Variants in VTI1B observed in about 807,000 individuals in gnomAD.
VTI1B encodes vesicle transport through interaction with t-SNAREs 1B.
VTI1B carries 18 observed loss-of-function variants against 28.6 expected under a neutral mutation model. That is an observed-to-expected ratio of 0.63 (90% CI 0.43 to 0.93). VTI1B has a LOEUF of 0.93. VTI1B is among the 40% of genes least tolerant of loss of function. The pLI, the probability that VTI1B is intolerant of heterozygous loss-of-function variation, is 0.00. For synonymous variants in VTI1B, 100 were observed against 107.9 expected (o/e 0.93, Z 0.46); for missense variants, 283 against 297.0 (o/e 0.95, Z 0.35).
At chr14:67,670,325 T>C (rs2037450870) in intron 1 of VTI1B, among the ~76,000 whole-genome samples, 1 of 152,166 alleles carries the variant, frequency 6.6e-6, no homozygotes, top group Non-Finnish European at 1.5e-5. Context: ...CTGTTTCACC[T>C]GCCCCTCTAC....
At chr14:67,656,648 A>G (rs1210883898) in intron 3 of VTI1B, 59 bp from the exon 4 acceptor site, 7 of 1,526,990 alleles carry the variant, frequency 4.6e-6, no homozygotes, top group Non-Finnish European at 6.2e-6. Context: ...CATTGCCAGC[A>G]TATTCCTCAT....
At chr14:67,672,777 C>T (rs1033796778) in intron 1 of VTI1B, among the ~76,000 whole-genome samples, 2 of 152,100 alleles carry the variant, frequency 1.3e-5, no homozygotes, top group Admixed American at 1.3e-4. Context: ...AATCAGATCC[C>T]ACAATGCTTC....
At chr14:67,673,093 T>G (rs1453380487) in intron 1 of VTI1B, among the ~76,000 whole-genome samples, 1 of 152,182 alleles carries the variant, frequency 6.6e-6, no homozygotes, top group Non-Finnish European at 1.5e-5. Flanking sequence ...ACCGCCCTAT[T>G]TAAAACTGAA....
At chr14:67,652,149 C>A (rs538045752) in intron 5 of VTI1B, among the ~76,000 whole-genome samples, 12 of 152,326 alleles carry the variant, frequency 7.9e-5, no homozygotes, top group Middle Eastern at 6.8e-3. Flanking sequence ...TACCCTCTTA[C>A]CCCCAACTTC....
intron 4 of VTI1B, 120 bp downstream of exon 4, chr14:67,656,296 T>TA (rs1297810313): frequency 7.1e-6 from 7 of 991,672 alleles, no homozygotes; most frequent in Non-Finnish European, 8.2e-6. Context: ...CATAAGAACT[T>TA]AAAAAAGACT....
At chr14:67,667,645 A>G (rs1197834539) in intron 1 of VTI1B, among the ~76,000 whole-genome samples, 1 of 152,200 alleles carries the variant, frequency 6.6e-6, no homozygotes, top group East Asian at 1.9e-4. Context: ...AATTCAGTAG[A>G]AAATATGAGG....
At chr14:67,659,683 A>G (rs1276187254) in intron 3 of VTI1B, 48 bp downstream of exon 3, 1 of 1,538,686 alleles carries the variant, frequency 6.5e-7, no homozygotes, top group African/African-American at 1.4e-5. Flanking sequence ...TTTTTGTACC[A>G]CAGGCCCTTA....
chr14:67,659,704 AAAAC>A lies in VTI1B; in HGVS notation c.366+23_366+26del, dbSNP rs778962410. ...TACCACAGGCCCTTAAAGGAAAAAAAAAACAAACAAAACAGCTAAAACTTACCAT... is the reference window on the plus strand; with the variant it reads ...TACCACAGGCCCTTAAAGGAAAAAAAAAACAAAACAGCTAAAACTTACCAT... On this transcript the variant is annotated intron_variant, in intron 3 of 5. Transcript: ENST00000554659. 9.6e-6 allele frequency: 15 copies of A among 1,568,912 alleles called. No individual in the cohort carries two copies. In the South Asian group the frequency reaches 1.7e-4, roughly 17 times the overall value.
At chr14:67,670,395 T>A (rs1291151403) in intron 1 of VTI1B, among the ~76,000 whole-genome samples, 1 of 152,162 alleles carries the variant, frequency 6.6e-6, no homozygotes. Flanking sequence ...GTTTTACTCC[T>A]GTGTTGCCTC....
rs771793171 is a variant in VTI1B at position 67,653,434 on chromosome 14, T to C, written c.602+3A>G. 2 of 1,613,620 alleles carry C rather than the reference T, an allele frequency of 1.2e-6. No individual in the cohort carries two copies. Among genetic ancestry groups the C allele is most frequent in the African/African-American group, 1.3e-5 (1 of 75,042 alleles). ...GAAATTTCATGACTTTAATAAAACT[T>C]ACTTTCTGGACATTGAACGGAGAAT... is the stretch of plus-strand genomic sequence containing the variant. On this transcript the variant is annotated splice_donor_region_variant and intron_variant, in intron 5 of 5. Coordinates refer to ENST00000554659, the MANE Select transcript of VTI1B (RefSeq NM_006370.3).
chr14:67,660,341 T>G (rs2037320155), intron 2 of VTI1B: 1 of 156,020 alleles, frequency 6.4e-6, no homozygotes, highest in African/African-American at 2.4e-5. Context: ...TCCTGGCACT[T>G]TGGGAAGCCG....
At chr14:67,654,751 C>T (rs1001392546) in intron 4 of VTI1B, among the ~76,000 whole-genome samples, 3 of 151,994 alleles carry the variant, frequency 2.0e-5, no homozygotes, top group Non-Finnish European at 2.9e-5. Context: ...AAATTTTGCC[C>T]GGGCGCAGTG....
Position 67,674,404 on chromosome 14 carries a change from G to C in VTI1B, c.86C>G (p.Pro29Arg). 6.2e-7 allele frequency: 1 copy of C among 1,604,612 alleles called. No homozygotes were observed. The highest frequency in any genetic ancestry group is 8.5e-7 in the Non-Finnish European group (1 of 1,176,864). ...RGLHEDLQGV[P>R]ERLLGTAGTE... is the part of the protein sequence containing the mutation. ...CCCCGCCGTCCCCAGCAGCCGCTCG[G>C]GCACCCCTTGTAGGTCTTCATGGAG... The change falls in exon 1 of 6, where the codon CCC (proline) becomes CGC (arginine). Residue 29 changes from proline (P) to arginine (R), a missense_variant. Pro to Arg is a moderately radical substitution (Grantham distance 103). Coordinates refer to ENST00000554659, the MANE Select transcript of VTI1B (RefSeq NM_006370.3).
At position 67,648,009 on chromosome 14, in the gene VTI1B, T is replaced by G; in HGVS notation, c.*3376A>C. 7.8e-6 allele frequency: 12 copies of G among 1,544,002 alleles called. No homozygotes were observed. Among genetic ancestry groups the G allele is most frequent in the Non-Finnish European group, 1.1e-5 (12 of 1,136,680 alleles). ...GAGTGTCCAAGGACAACCAGTTAAG[T>G]ATTATTTTAAGTATTATTTTATCCT... is the stretch of plus-strand genomic sequence containing the variant. On this transcript the variant is annotated 3_prime_UTR_variant, in exon 6 of 6. Transcript: ENST00000554659.
chr14:67,666,575 G>A (rs901758374), intron 1 of VTI1B, among the ~76,000 whole-genome samples: 1 of 152,228 alleles, frequency 6.6e-6, no homozygotes, highest in African/African-American at 2.4e-5. Flanking sequence ...TCAAGAGACT[G>A]ATCTCTACCC....
In VTI1B at chr14:67,674,585, G is replaced by T. The variant is rs879793311; in HGVS notation, c.-96C>A. ...GCCGCCCAGCCCAGTGGCCATAACG[G>T]CGACCGCCGCACCACCGCCGCCCAG... On this transcript the variant is annotated 5_prime_UTR_variant, in exon 1 of 6. Coordinates refer to ENST00000554659, the MANE Select transcript of VTI1B (RefSeq NM_006370.3). 9 of 1,027,224 alleles carry T rather than the reference G, an allele frequency of 8.8e-6. No individual in the cohort carries two copies. Among genetic ancestry groups the T allele is most frequent in the African/African-American group, 1.7e-5 (1 of 58,930 alleles). 63.6% of individuals were successfully genotyped at this position (1,027,224 alleles called of 1,614,324 possible).
intron 1 of VTI1B, among the ~76,000 whole-genome samples, chr14:67,667,066 A>C (rs1191402915): frequency 6.6e-6 from 1 of 152,184 alleles, no homozygotes; most frequent in Admixed American, 6.5e-5. Flanking sequence ...AAGCCTGCCC[A>C]AATCAGTCAC....
intron 2 of VTI1B, 63 bp from the exon 3 acceptor site, chr14:67,659,985 C>A (rs969707459): frequency 6.6e-7 from 1 of 1,511,916 alleles, no homozygotes; most frequent in Non-Finnish European, 9.0e-7. Context: ...TGGAAATATG[C>A]CTAGTTTGGA....
intron 2 of VTI1B, among the ~76,000 whole-genome samples, chr14:67,661,529 CT>C (rs35440818): frequency 0.1 from 11,323 of 110,018 alleles, 591 homozygotes; most frequent in African/African-American, 0.23. Flanking sequence ...GAACAGTAAC[CT>C]TTTTTTTTTT....
Sources: gnomAD v4.1 joint callset for allele counts (sites outside exome capture counted in the v4.1 genomes callset) on GRCh38, gnomAD v4.1.1 for gene constraint, MANE v1.5 for transcripts, NCBI Gene and HGNC (gene_info 2026-07-23, HGNC 2026-07-21) for gene names.